The following TGFBRAP1 variants were observed in gnomAD, a reference collection of about 807,000 sequenced individuals.
TGFBRAP1 encodes the protein transforming growth factor-beta receptor-associated protein 1.
A neutral mutation model predicts 83.2 loss-of-function variants in TGFBRAP1; 20 were observed. The observed-to-expected ratio is 0.24, with a 90% CI of 0.17 to 0.35. The LOEUF (loss-of-function observed/expected upper bound fraction) is 0.35, where lower values mean the gene tolerates loss of function less well. Among genes scored for constraint, TGFBRAP1 ranks in the 10% least tolerant of loss-of-function variants. The pLI is 1.00. For synonymous variants in TGFBRAP1, 415 were observed against 459.8 expected (o/e 0.90, Z 1.25); for missense variants, 950 against 1,099.4 (o/e 0.86, Z 1.92).
At chr2:105,255,452 G>A in the TGFBRAP1 span, among the ~76,000 whole-genome samples, 1 of 152,132 alleles carries the variant, frequency 6.6e-6, no homozygotes, top group African/African-American at 2.4e-5. Flanking sequence ...CTCCTGAGTA[G>A]CTGGGAATAC....
chr2:105,311,363 C>G (rs1678686085), intron 1 of TGFBRAP1, among the ~76,000 whole-genome samples: 1 of 151,932 alleles, frequency 6.6e-6, no homozygotes, highest in Admixed American at 6.6e-5. Context: ...TAAATGAAAG[C>G]TGAAGAAGTA....
intron 2 of TGFBRAP1, among the ~76,000 whole-genome samples, chr2:105,300,081 C>G (rs139373569): frequency 1.3e-5 from 2 of 152,300 alleles, no homozygotes; most frequent in African/African-American, 2.4e-5. Context: ...ACCCCCTTAT[C>G]TAAGCTGGGA....
rs926619831 is a variant in TGFBRAP1 at position 105,264,994 on chromosome 2, G to C, written c.*2389C>G. The C allele has an allele frequency of 6.6e-6, 1 of 152,230 alleles. No homozygotes were observed. Among genetic ancestry groups the C allele is most frequent in the Non-Finnish European group, 1.5e-5 (1 of 68,036 alleles). The allele number at this position is 152,230 out of a possible 1,614,324, so 9.4% of individuals were successfully genotyped here. A position where few individuals can be genotyped will look rare whatever the true frequency, so the allele number is the denominator to read the frequency against. ...GATTTGAGAAAAGGGCCTTGTAGGA[G>C]TGAGAGAAAGGTTAGAGAAAAGTAC... On this transcript the variant is annotated 3_prime_UTR_variant, in exon 12 of 12. Coordinates refer to ENST00000393359, the MANE Select transcript of TGFBRAP1 (RefSeq NM_004257.6).
chr2:105,277,396 T>C (rs575404587), intron 7 of TGFBRAP1, among the ~76,000 whole-genome samples: 1 of 152,360 alleles, frequency 6.6e-6, no homozygotes, highest in Non-Finnish European at 1.5e-5. Context: ...GTCTTGATAA[T>C]GTTCTTTAAG....
intron 4 of TGFBRAP1, among the ~76,000 whole-genome samples, chr2:105,291,396 G>A (rs1221489594): frequency 6.6e-6 from 1 of 152,172 alleles, no homozygotes; most frequent in Non-Finnish European, 1.5e-5. Context: ...ACAGTATTCT[G>A]TTCCAGCAAT....
chr2:105,252,367 A>C, the TGFBRAP1 span, among the ~76,000 whole-genome samples: 4 of 152,192 alleles, frequency 2.6e-5, no homozygotes, highest in Non-Finnish European at 5.9e-5. Flanking sequence ...CTTTTTCCCC[A>C]AGGCCTTGGA....
At chr2:105,306,563 C>T (rs931360743) in intron 2 of TGFBRAP1, among the ~76,000 whole-genome samples, 8 of 151,758 alleles carry the variant, frequency 5.3e-5, no homozygotes, top group Admixed American at 3.3e-4. Context: ...TTTGGGAGGC[C>T]GAGGTGGGTG....
intron 7 of TGFBRAP1, among the ~76,000 whole-genome samples, chr2:105,277,050 T>C (rs761959299): frequency 1.3e-5 from 2 of 152,184 alleles, no homozygotes; most frequent in Non-Finnish European, 2.9e-5. Flanking sequence ...AGTAGCAAGA[T>C]GTAAGATACA....
intron 11 of TGFBRAP1, 198 bp from the exon 12 acceptor site, chr2:105,267,757 G>T (rs990746188): frequency 1.0e-6 from 1 of 985,314 alleles, no homozygotes; most frequent in Non-Finnish European, 1.2e-6. Context: ...AAGGAAGAAA[G>T]TTACACAATT....
At chr2:105,261,368 G>A (rs139910167), downstream of TGFBRAP1, among the ~76,000 whole-genome samples, 57 of 152,258 alleles carry the variant, frequency 3.7e-4, no homozygotes, top group African/African-American at 1.1e-3. Flanking sequence ...CATGGATTCC[G>A]AAAGGGAAAA....
chr2:105,312,087 T>C (rs1427552256), intron 1 of TGFBRAP1, among the ~76,000 whole-genome samples: 2 of 152,180 alleles, frequency 1.3e-5, no homozygotes, highest in African/African-American at 2.4e-5. Flanking sequence ...AGTTTCAACA[T>C]GGTAATGTTT....
chr2:105,290,051 G>C (rs1184647541), intron 4 of TGFBRAP1, among the ~76,000 whole-genome samples: 1 of 152,158 alleles, frequency 6.6e-6, no homozygotes, highest in Non-Finnish European at 1.5e-5. Flanking sequence ...ACATTTATTA[G>C]ATAGGCAATT....
At chr2:105,282,065 T>C (rs1677555885) in intron 5 of TGFBRAP1, among the ~76,000 whole-genome samples, 1 of 152,180 alleles carries the variant, frequency 6.6e-6, no homozygotes, top group Non-Finnish European at 1.5e-5. Flanking sequence ...TTGTTTAAGA[T>C]CCAGGACGAA....
chr2:105,327,885 T>C (rs1679268645), intron 1 of TGFBRAP1, among the ~76,000 whole-genome samples: 1 of 152,208 alleles, frequency 6.6e-6, no homozygotes, highest in Non-Finnish European at 1.5e-5. Flanking sequence ...AATTGTGTAA[T>C]GCAAACCTTG....
downstream of TGFBRAP1, among the ~76,000 whole-genome samples, chr2:105,260,267 A>G (rs569095205): frequency 1.7e-3 from 258 of 152,212 alleles, no homozygotes; most frequent in Non-Finnish European, 1.3e-3. Flanking sequence ...AAAATTAGCC[A>G]GGCATGGTGG....
At chr2:105,284,469 C>T in intron 4 of TGFBRAP1, 71 bp from the exon 5 acceptor site, 1 of 1,403,690 alleles carries the variant, frequency 7.1e-7, no homozygotes, top group Non-Finnish European at 1.0e-6. Context: ...ATTTGTCTAA[C>T]CCTAGATAAG....
intron 3 of TGFBRAP1, among the ~76,000 whole-genome samples, chr2:105,297,599 G>A (rs1476292699): frequency 6.6e-6 from 1 of 152,232 alleles, no homozygotes; most frequent in Admixed American, 6.5e-5. Flanking sequence ...CAAATGCGAT[G>A]CATAAATCTA....
chr2:105,325,566 C>T (rs1321665236), intron 1 of TGFBRAP1, among the ~76,000 whole-genome samples: 1 of 152,092 alleles, frequency 6.6e-6, no homozygotes, highest in Non-Finnish European at 1.5e-5. Context: ...CAGCAGGAGG[C>T]CACTATGGTA....
intron 8 of TGFBRAP1, among the ~76,000 whole-genome samples, chr2:105,274,842 C>T (rs538197909): frequency 6.6e-6 from 1 of 152,328 alleles, no homozygotes; most frequent in Admixed American, 6.5e-5. Context: ...GACCAACGTC[C>T]TGCATCAGAA....
Sources: allele counts gnomAD v4.1 joint callset (sites outside exome capture counted in the v4.1 genomes callset), GRCh38; gene constraint gnomAD v4.1.1; transcripts MANE v1.5; gene names NCBI Gene and HGNC (gene_info 2026-07-23, HGNC 2026-07-21).